Variants in CFAP70 observed in about 807,000 individuals in gnomAD.
CFAP70 encodes the protein cilia and flagella associated protein 70, also known as cilia- and flagella-associated protein 70.
A neutral mutation model predicts 137.6 loss-of-function variants in CFAP70; 81 were observed. That is an observed-to-expected ratio of 0.59 (90% CI 0.49 to 0.71). The LOEUF (loss-of-function observed/expected upper bound fraction) is 0.71. Among genes scored for constraint, CFAP70 ranks in the 30% least tolerant of loss-of-function variants. The pLI is 0.00. For synonymous variants in CFAP70, 382 were observed against 423.6 expected (o/e 0.90, Z 1.20); for missense variants, 976 against 1,226.7 (o/e 0.80, Z 3.05).
At chr10:73,302,157 T>C (rs959199620) in intron 12 of CFAP70, among the ~76,000 whole-genome samples, 2 of 151,966 alleles carry the variant, frequency 1.3e-5, no homozygotes, top group Admixed American at 1.3e-4. Context: ...GTGGGAGCCA[T>C]CAGTGTATAG....
chr10:73,320,502 T>A (rs116010931), intron 9 of CFAP70, among the ~76,000 whole-genome samples: 7,121 of 151,470 alleles, frequency 0.047, 509 homozygotes, highest in African/African-American at 0.15. Flanking sequence ...TAAAAAAAAA[T>A]TTTTTTTGTA....
At chr10:73,316,502 A>G (rs1239250178) in intron 9 of CFAP70, among the ~76,000 whole-genome samples, 1 of 139,002 alleles carries the variant, frequency 7.2e-6, no homozygotes, top group Non-Finnish European at 1.5e-5. Flanking sequence ...ATATATATAT[A>G]TATATATATA....
intron 15 of CFAP70, chr10:73,295,207 T>C (rs1274755673): frequency 1.3e-5 from 2 of 152,650 alleles, no homozygotes; most frequent in African/African-American, 4.8e-5. Flanking sequence ...TCCCAGCTAC[T>C]TGAGAGGCTG....
In CFAP70 at chr10:73,338,816, T is replaced by C. The variant is rs183284998; in HGVS notation, c.582+2583A>G. On this transcript the variant is annotated intron_variant, in intron 6 of 26. Coordinates refer to ENST00000310715, the Ensembl canonical transcript of CFAP70. ...ACAAATATGGAGGGCCAATTTGTCC[T>C]ATACATAGTTTCTACAGGGCTGACT... Among the ~76,000 whole-genome samples the C allele has an allele frequency of 1.4e-3, 209 of 152,218 alleles. 1 individual carries two copies. The highest frequency in any genetic ancestry group is 2.2e-3 in the Non-Finnish European group (149 of 68,014).
chr10:73,317,586 G>T (rs1589458249), intron 9 of CFAP70, among the ~76,000 whole-genome samples: 1 of 152,004 alleles, frequency 6.6e-6, no homozygotes, highest in African/African-American at 2.4e-5. Flanking sequence ...TGAACTCCTT[G>T]GATCTGTAAA....
chr10:73,301,154 T>C (rs567617986), intron 12 of CFAP70, among the ~76,000 whole-genome samples: 81 of 152,284 alleles, frequency 5.3e-4, no homozygotes, highest in African/African-American at 1.8e-3. Flanking sequence ...ATGTTAACGT[T>C]TGAGTAAAGA....
chr10:73,360,649 A>T (rs2054971697), upstream of CFAP70, among the ~76,000 whole-genome samples: 3 of 152,200 alleles, frequency 2.0e-5, no homozygotes, highest in African/African-American at 7.2e-5. Context: ...ATTTTTTGAA[A>T]GTTGCAGTGT....
chr10:73,267,616 TCTA>T lies in CFAP70; in HGVS notation c.3027+1995_3027+1997del. ...TAAATGGGGATCATTATTATAAAAA[TCTA>T]CTATAAGGCCTAATTTTCTACTGCT... On this transcript the variant is annotated intron_variant, in intron 25 of 26. Transcript: ENST00000310715. Among the ~76,000 whole-genome samples, 3 of 152,304 alleles carry T rather than the reference TCTA, an allele frequency of 2.0e-5. No individual in the cohort carries two copies. In the South Asian group the frequency reaches 6.2e-4, roughly 32 times the overall value.
At chr10:73,347,305 C>T (rs1425336969) in intron 4 of CFAP70, among the ~76,000 whole-genome samples, 1 of 152,056 alleles carries the variant, frequency 6.6e-6, no homozygotes, top group Non-Finnish European at 1.5e-5. Flanking sequence ...AGATCAGATT[C>T]ACTTTTAAAT....
intron 25 of CFAP70, among the ~76,000 whole-genome samples, chr10:73,264,767 A>C (rs2045595204): frequency 1.3e-5 from 2 of 152,220 alleles, no homozygotes; most frequent in Admixed American, 1.3e-4. Flanking sequence ...CTGCATTGTC[A>C]GTCTAATTAC....
At chr10:73,354,265 TATGC>T (rs1408321469) in intron 2 of CFAP70, among the ~76,000 whole-genome samples, 2 of 152,278 alleles carry the variant, frequency 1.3e-5, no homozygotes, top group East Asian at 1.9e-4. Flanking sequence ...CATTTTTATA[TATGC>T]ATTTTAAAAC....
At chr10:73,299,272 A>G (rs1381943162) in intron 13 of CFAP70, among the ~76,000 whole-genome samples, 171 bp from the exon 15 acceptor site, 1 of 152,058 alleles carries the variant, frequency 6.6e-6, no homozygotes, top group East Asian at 1.9e-4. Flanking sequence ...CAGTGGTATG[A>G]TCATGGCTCA....
intron 19 of CFAP70, among the ~76,000 whole-genome samples, chr10:73,288,815 C>T (rs1047298097): frequency 6.6e-6 from 1 of 152,158 alleles, no homozygotes. Context: ...TTTTGACCAG[C>T]GGAAGAGAAG....
At chr10:73,312,548 A>G in exon 10 of CFAP70, 1 of 1,613,184 alleles carries the variant, frequency 6.2e-7, no homozygotes, top group African/African-American at 1.3e-5. Context: ...TCTTAGAAAC[A>G]GCTTGTTTGG....
At chr10:73,259,837 C>T (rs2044963457) in intron 25 of CFAP70, among the ~76,000 whole-genome samples, 1 of 152,060 alleles carries the variant, frequency 6.6e-6, no homozygotes, top group African/African-American at 2.4e-5. Context: ...TTAAGACCAG[C>T]CTGGGCAACA....
chr10:73,335,674 C>A, intron 6 of CFAP70, 150 bp from the exon 8 acceptor site: 1 of 459,636 alleles, frequency 2.2e-6, no homozygotes, highest in Admixed American at 3.7e-5. Context: ...ACTACTACCA[C>A]CACCTTAAAA....
At chr10:73,259,125 C>T (rs955274618) in intron 25 of CFAP70, among the ~76,000 whole-genome samples, 6 of 152,110 alleles carry the variant, frequency 3.9e-5, no homozygotes, top group Non-Finnish European at 5.9e-5. Context: ...TGGGGCATCA[C>T]GGAACCTGCC....
intron 21 of CFAP70, chr10:73,276,151 C>T (rs868703312): frequency 6.6e-6 from 1 of 151,292 alleles, no homozygotes; most frequent in Non-Finnish European, 1.5e-5. Flanking sequence ...ACTCTGTCAC[C>T]CAGGGCTGCT....
intron 15 of CFAP70, chr10:73,295,377 GAGGAAGGGAGGA>G (rs1217019353): frequency 1.3e-4 from 18 of 138,934 alleles, no homozygotes; most frequent in Middle Eastern, 7.4e-3. Context: ...GGGAGGAAGG[GAGGAAGGGAGGA>G]AGGGAGGGAG....
Sources: allele counts gnomAD v4.1 joint callset (sites outside exome capture counted in the v4.1 genomes callset), GRCh38; gene constraint gnomAD v4.1.1; transcripts MANE v1.5; gene names NCBI Gene and HGNC (gene_info 2026-07-23, HGNC 2026-07-21).